ARID5B: variants seen among roughly 807,000 people sequenced by gnomAD.
ARID5B encodes the protein AT-rich interaction domain 5B, also known as AT-rich interactive domain-containing protein 5B.
ARID5B carries 13 observed loss-of-function variants against 97.2 expected under a neutral mutation model. That is an observed-to-expected ratio of 0.13 (90% CI 0.09 to 0.21). The LOEUF (loss-of-function observed/expected upper bound fraction) is 0.21, where lower values mean the gene tolerates loss of function less well. Among genes scored for constraint, ARID5B ranks in the 10% least tolerant of loss-of-function variants. The probability of loss-of-function intolerance (pLI) is 1.00; values close to 1 mark genes in which losing one functional copy is unlikely to be tolerated. For synonymous variants in ARID5B, 556 were observed against 570.3 expected, an observed-to-expected ratio of 0.97 and a Z score of 0.36; for missense variants, 1,210 against 1,465.3, an observed-to-expected ratio of 0.83 and a Z score of 2.84.
rs935995355 is a variant in ARID5B at position 61,936,572 on chromosome 10, G to A, written c.277-3611G>A. Among the ~76,000 whole-genome samples, 14 of 152,316 alleles carry A rather than the reference G, an allele frequency of 9.2e-5. 1 individual carries two copies. Among genetic ancestry groups the A allele is most frequent in the East Asian group, 5.8e-4 (3 of 5,182 alleles). On this transcript the variant is annotated intron_variant, in intron 2 of 9. Transcript: ENST00000279873. The stretch of plus-strand genomic sequence containing the variant: ...GGCAGAGGTTGCAGGAGCTGAGATC[G>A]TGCCACTGCACTTCAGCCTGGGCTA...
At chr10:62,028,007 A>C (rs1036132928) in intron 4 of ARID5B, among the ~76,000 whole-genome samples, 1 of 152,206 alleles carries the variant, frequency 6.6e-6, no homozygotes, top group Admixed American at 6.5e-5. Flanking sequence ...CCTGGTGTGC[A>C]TCTGCTTATC....
intron 7 of ARID5B, among the ~76,000 whole-genome samples, chr10:62,065,824 C>T (rs562842551): frequency 2.0e-4 from 24 of 120,680 alleles, no homozygotes; most frequent in East Asian, 2.8e-4. Context: ...CCAGCCTGGG[C>T]GACAGAGTGA....
intron 9 of ARID5B, among the ~76,000 whole-genome samples, chr10:62,086,783 C>T (rs1233796175): frequency 6.6e-6 from 1 of 151,162 alleles, no homozygotes; most frequent in African/African-American, 2.4e-5. Context: ...TAACCAGAGC[C>T]CTGGGAGGTA....
At chr10:62,051,424 A>C (rs532645512) in intron 5 of ARID5B, among the ~76,000 whole-genome samples, 69 of 152,312 alleles carry the variant, frequency 4.5e-4, no homozygotes, top group Middle Eastern at 3.4e-3. Context: ...TGAAATTAGA[A>C]ATAGCTAGAA....
In ARID5B at chr10:61,967,714, A is replaced by G. The variant is rs182014796; in HGVS notation, c.502+27306A>G. On this transcript the variant is annotated intron_variant, in intron 3 of 9. Transcript: ENST00000279873. The stretch of plus-strand genomic sequence containing the variant: ...AAGCAGATGTTTTGCTAGAATGTAG[A>G]CACAGCCTCCAAAAATACCTTTCTG... Among the ~76,000 whole-genome samples the G allele has an allele frequency of 3.9e-5, 6 of 152,302 alleles. No individual in the cohort carries two copies. The East Asian group carries it at 1.2e-3, about 29-fold the overall frequency.
chr10:61,981,602 T>TC (rs1299543661), intron 3 of ARID5B, among the ~76,000 whole-genome samples: 1 of 152,080 alleles, frequency 6.6e-6, no homozygotes, highest in Non-Finnish European at 1.5e-5. Flanking sequence ...ATCTTTTTTT[T>TC]CCCTGTAGTT....
At chr10:62,074,249 A>T (rs1026573355) in intron 8 of ARID5B, among the ~76,000 whole-genome samples, 1 of 152,366 alleles carries the variant, frequency 6.6e-6, no homozygotes, top group Non-Finnish European at 1.5e-5. Context: ...GAAAATCAAA[A>T]TCATAAACAA....
chr10:62,036,448 T>G (rs1246154123), intron 4 of ARID5B, among the ~76,000 whole-genome samples: 1 of 152,176 alleles, frequency 6.6e-6, no homozygotes, highest in South Asian at 2.1e-4. Context: ...ACTTTCCTGA[T>G]GGCTTTGCAA....
chr10:62,033,686 C>T (rs999872653), intron 4 of ARID5B, among the ~76,000 whole-genome samples: 1 of 152,208 alleles, frequency 6.6e-6, no homozygotes, highest in African/African-American at 2.4e-5. Flanking sequence ...CGTGTCCGTG[C>T]ATATAATAGT....
intron 7 of ARID5B, among the ~76,000 whole-genome samples, chr10:62,060,302 G>T (rs1290118953): frequency 6.6e-6 from 1 of 152,144 alleles, no homozygotes; most frequent in Non-Finnish European, 1.5e-5. Flanking sequence ...GGGGAAAGAG[G>T]ACAAGCATTA....
intron 2 of ARID5B, among the ~76,000 whole-genome samples, chr10:61,929,729 G>GGAA (rs1162690824): frequency 2.0e-5 from 3 of 152,140 alleles, no homozygotes; most frequent in African/African-American, 7.2e-5. Context: ...ATTACATCCG[G>GGAA]GAAGGACATC....
intron 3 of ARID5B, among the ~76,000 whole-genome samples, chr10:61,947,271 T>A (rs74868025): frequency 6.0e-5 from 2 of 33,422 alleles, no homozygotes; most frequent in African/African-American, 2.3e-4. Context: ...CTTTTTTTTT[T>A]TTTTTTTTTT....
chr10:62,060,154 A>G (rs1276399568), intron 7 of ARID5B, among the ~76,000 whole-genome samples: 2 of 152,222 alleles, frequency 1.3e-5, no homozygotes, highest in Non-Finnish European at 2.9e-5. Context: ...TCTGTACCAT[A>G]GTAAAATGAC....
In ARID5B at chr10:62,092,217, C is replaced by T. The variant is rs61743661; in HGVS notation, c.2754C>T (p.Thr918=). The change falls in exon 10 of 10, where the codon ACC becomes ACT. Residue 918 remains threonine, a synonymous_variant. Transcript: ENST00000279873. The stretch of plus-strand genomic sequence containing the variant: ...TTCCCAAGAACCCGCACAAACCTAC[C>T]GGCAAGGTCCTGGGCCTGGCTCATT... ...LSLPKNPHKP[T]GKVLGLAHST... is the part of the protein sequence containing the mutation. The T allele has an allele frequency of 5.0e-6, 8 of 1,610,888 alleles. No individual in the cohort carries two copies. The African/African-American group carries it at 9.3e-5, about 19-fold the overall frequency.
rs566430589 is a variant in ARID5B, at chr10:61,976,733, T to G, written c.503-23358T>G. On this transcript the variant is annotated intron_variant, in intron 3 of 9. Transcript: ENST00000279873. ...CACCCAATAGACATATTTGCAAGATTTACAAATGTTGAACTACAGAATAAG... is the reference window on the plus strand; with the variant it reads ...CACCCAATAGACATATTTGCAAGATGTACAAATGTTGAACTACAGAATAAG... 2.0e-5 allele frequency among the ~76,000 whole-genome samples: 3 copies of G among 152,302 alleles called. No homozygotes were observed. The East Asian group carries it at 5.8e-4, about 29-fold the overall frequency.
chr10:62,015,605 C>T (rs1031435276), intron 4 of ARID5B, among the ~76,000 whole-genome samples: 30 of 151,996 alleles, frequency 2.0e-4, no homozygotes, highest in Admixed American at 2.0e-3. Flanking sequence ...CACCTCTGAA[C>T]GGTGTGAGGT....
chr10:61,949,456 G>C (rs908532598), intron 3 of ARID5B, among the ~76,000 whole-genome samples: 1 of 152,146 alleles, frequency 6.6e-6, no homozygotes. Flanking sequence ...GATCAACATG[G>C]TAAAACCCCG....
rs527405996 is a variant in ARID5B at position 61,976,744 on chromosome 10, G to C, written c.503-23347G>C. ...CATATTTGCAAGATTTACAAATGTT[G>C]AACTACAGAATAAGTGACTCTCTGC... On this transcript the variant is annotated intron_variant, in intron 3 of 9. Coordinates refer to ENST00000279873, the MANE Select transcript of ARID5B (RefSeq NM_032199.3). 2.0e-5 allele frequency among the ~76,000 whole-genome samples: 3 copies of C among 152,204 alleles called. No individual in the cohort carries two copies. The East Asian group carries it at 5.8e-4, about 29-fold the overall frequency.
chr10:61,918,174 G>C (rs1478602260), intron 2 of ARID5B, among the ~76,000 whole-genome samples: 2 of 152,216 alleles, frequency 1.3e-5, no homozygotes, highest in Admixed American at 1.3e-4. Flanking sequence ...AGGCGGTGCT[G>C]CTGAATAAAT....
Sources: allele counts gnomAD v4.1 joint callset (sites outside exome capture counted in the v4.1 genomes callset), GRCh38; gene constraint gnomAD v4.1.1; transcripts MANE v1.5; gene names NCBI Gene and HGNC (gene_info 2026-07-23, HGNC 2026-07-21).